The following PCDHGB3 variants were observed in gnomAD, a reference collection of about 807,000 sequenced individuals.
PCDHGB3 encodes the protein protocadherin gamma subfamily B, 3.
Under a neutral mutation model 59.2 loss-of-function variants are expected in PCDHGB3, and 40 were observed. That is an observed-to-expected ratio of 0.68 (90% confidence interval 0.52 to 0.88). The LOEUF is 0.88. Among genes scored for constraint, PCDHGB3 ranks in the 40% least tolerant of loss-of-function variants. The probability of loss-of-function intolerance (pLI) is 0.00; values close to 1 mark genes in which losing one functional copy is unlikely to be tolerated. For missense variants in PCDHGB3, 1,309 were observed against 1,187.9 expected, an observed-to-expected ratio of 1.10 and a Z score of -1.50; for synonymous variants, 581 against 503.6, an observed-to-expected ratio of 1.15 and a Z score of -2.06.
intron 3 of PCDHGB3, 122 bp downstream of exon 3, chr5:141,505,603 G>A (rs900982128): frequency 6.5e-7 from 1 of 1,534,594 alleles, no homozygotes; most frequent in African/African-American, 1.4e-5. Flanking sequence ...TCTTTCGGCA[G>A]GTCTGAAAGG....
intron 1 of PCDHGB3, chr5:141,388,653 C>T (rs1315025499): frequency 6.2e-7 from 1 of 1,613,728 alleles, no homozygotes; most frequent in Non-Finnish European, 8.5e-7. Context: ...AAACGTGTAC[C>T]CGGGGACCAC....
At chr5:141,453,288 A>T (rs931678565) in intron 1 of PCDHGB3, among the ~76,000 whole-genome samples, 18 of 151,342 alleles carry the variant, frequency 1.2e-4, no homozygotes, top group Admixed American at 3.3e-4. Context: ...TAATTTTTTA[A>T]TTATTTATTT....
At chr5:141,412,060 C>G (rs1191231135) in intron 1 of PCDHGB3, 2 of 152,154 alleles carry the variant, frequency 1.3e-5, no homozygotes, top group African/African-American at 2.4e-5. Context: ...ATACCCTTTG[C>G]ATTTGAGGGA....
intron 1 of PCDHGB3, chr5:141,403,784 G>C: frequency 1.9e-6 from 3 of 1,613,906 alleles, no homozygotes; most frequent in East Asian, 2.2e-5. Context: ...CGGAAAAGTG[G>C]CATACAAATT....
chr5:141,453,888 C>T (rs1273180395), intron 1 of PCDHGB3, among the ~76,000 whole-genome samples: 2 of 152,198 alleles, frequency 1.3e-5, no homozygotes, highest in East Asian at 1.9e-4. Flanking sequence ...TGTGGCCAAT[C>T]ACATGACTTC....
Position 141,486,407 on chromosome 5 carries a change from C to T in PCDHGB3, c.2416-8400C>T. The T allele has an allele frequency of 6.2e-7, 1 of 1,614,134 alleles. No individual in the cohort carries two copies. Among genetic ancestry groups the T allele is most frequent in the African/African-American group, 1.3e-5 (1 of 75,046 alleles). ...CCAGTTCTCCCTGGTGACTGCTGGA[C>T]CCTTGGATCGAGAGGCCAAATCTAG... On this transcript the variant is annotated intron_variant, in intron 1 of 3. Coordinates refer to ENST00000576222, the MANE Select transcript of PCDHGB3 (RefSeq NM_018924.5). This position sits in a 1 kb window ranked among gnomAD's most constrained non-coding sequence, Gnocchi z 5.0.
intron 1 of PCDHGB3, chr5:141,423,754 G>C: frequency 1.7e-6 from 1 of 577,836 alleles, no homozygotes. Flanking sequence ...ACTGTTTGGG[G>C]GGGGGGTGGG....
In PCDHGB3 at chr5:141,477,500, T is replaced by C. The variant is rs757547508; in HGVS notation, c.2416-17307T>C. The C allele has an allele frequency of 3.1e-6, 5 of 1,614,156 alleles. No homozygotes were observed. Among genetic ancestry groups the C allele is most frequent in the Non-Finnish European group, 4.2e-6 (5 of 1,180,026 alleles). ...CCCTCCACAATCTTCTCAATCTTCC[T>C]ACGACGTTTACATTGAAGAAAACAA... On this transcript the variant is annotated intron_variant, in intron 1 of 3. Coordinates refer to ENST00000576222, the MANE Select transcript of PCDHGB3 (RefSeq NM_018924.5). This position sits in a 1 kb window ranked among gnomAD's most constrained non-coding sequence, Gnocchi z 4.9.
intron 1 of PCDHGB3, chr5:141,468,682 C>A (rs377685711): frequency 4.6e-5 from 7 of 151,296 alleles, no homozygotes; most frequent in African/African-American, 1.7e-4. Context: ...CTGGCTAACA[C>A]GGTGAAACCC....
At chr5:141,416,929 C>T (rs1184470714) in intron 1 of PCDHGB3, 1 of 151,960 alleles carries the variant, frequency 6.6e-6, no homozygotes. Flanking sequence ...TAGTTATTAA[C>T]TATTAAACCA....
intron 1 of PCDHGB3, chr5:141,393,880 T>A (rs1561645063): frequency 6.2e-7 from 1 of 1,614,004 alleles, no homozygotes; most frequent in Non-Finnish European, 8.5e-7. Context: ...TTTAGCCCAG[T>A]GTTAGAAAAT....
In PCDHGB3 at chr5:141,490,134, C is replaced by G; in HGVS notation, c.2416-4673C>G. On this transcript the variant is annotated intron_variant, in intron 1 of 3. Transcript: ENST00000576222. This position sits in a 1 kb window ranked among gnomAD's most constrained non-coding sequence, Gnocchi z 5.4. ...GGAACCTCTTTGGCCTAGACCCTAG[C>G]AGTGGGGCAATCCATGTGTTGGGTC... The G allele has an allele frequency of 1.2e-6, 2 of 1,614,232 alleles. No homozygotes were observed. The highest frequency in any genetic ancestry group is 1.7e-6 in the Non-Finnish European group (2 of 1,180,030).
chr5:141,445,576 G>A (rs1459010134), intron 1 of PCDHGB3, among the ~76,000 whole-genome samples: 1 of 152,158 alleles, frequency 6.6e-6, no homozygotes, highest in Non-Finnish European at 1.5e-5. Flanking sequence ...TTATAGTAGG[G>A]AAGCTTCGCC....
At chr5:141,389,266 A>C in intron 1 of PCDHGB3, 1 of 1,614,022 alleles carries the variant, frequency 6.2e-7, no homozygotes, top group Non-Finnish European at 8.5e-7. Flanking sequence ...CACGTGGCCG[A>C]GAACAACCCG....
chr5:141,414,938 C>G (rs1407853248), intron 1 of PCDHGB3: 1 of 1,614,116 alleles, frequency 6.2e-7, no homozygotes, highest in Admixed American at 1.7e-5. Flanking sequence ...TCCGCAGAGC[C>G]CGGCTACCTG....
chr5:141,404,315 G>A lies in PCDHGB3; in HGVS notation c.2415+31506G>A, dbSNP rs775576610. The A allele has an allele frequency of 9.7e-5, 157 of 1,613,768 alleles. No individual in the cohort carries two copies. Among genetic ancestry groups the A allele is most frequent in the South Asian group, 4.1e-4 (37 of 91,078 alleles). On this transcript the variant is annotated intron_variant, in intron 1 of 3. Transcript: ENST00000576222. Reference sequence around the variant, plus strand: ...TGATAATCCACCTGCTTTCTCTCAAGCCTCCTACTCAGTCTACCTCCCGGA... The same window carrying A: ...TGATAATCCACCTGCTTTCTCTCAAACCTCCTACTCAGTCTACCTCCCGGA...
Position 141,409,574 on chromosome 5 carries a change from G to C in PCDHGB3, c.2415+36765G>C, listed in dbSNP as rs752388742. ...CCCAGTTTTCGACCAGACGTCCTACGTGGTCCACGTGGCCGAGAACAACCC... is the reference window on the plus strand; with the variant it reads ...CCCAGTTTTCGACCAGACGTCCTACCTGGTCCACGTGGCCGAGAACAACCC... On this transcript the variant is annotated intron_variant, in intron 1 of 3. Coordinates refer to ENST00000576222, the MANE Select transcript of PCDHGB3 (RefSeq NM_018924.5). 32 of 1,613,902 alleles carry C rather than the reference G, an allele frequency of 2.0e-5. No individual in the cohort carries two copies. In the East Asian group the frequency reaches 6.9e-4, roughly 35 times the overall value.
intron 1 of PCDHGB3, chr5:141,375,368 A>T (rs774708513): frequency 6.2e-7 from 1 of 1,613,754 alleles, no homozygotes; most frequent in Non-Finnish European, 8.5e-7. Context: ...GGACAAAGGA[A>T]CACCACCTCT....
At chr5:141,430,784 G>T in intron 1 of PCDHGB3, 1 of 1,512,418 alleles carries the variant, frequency 6.6e-7, no homozygotes, top group East Asian at 2.3e-5. Flanking sequence ...ACTGCACCGG[G>T]ACTACAAAGG....
Sources: allele counts gnomAD v4.1 joint callset (sites outside exome capture counted in the v4.1 genomes callset), GRCh38; gene constraint gnomAD v4.1.1; non-coding constraint Gnocchi (gnomAD v3.1); transcripts MANE v1.5; gene names NCBI Gene and HGNC (gene_info 2026-07-23, HGNC 2026-07-21).